Variants in EIF2AK2 observed in about 807,000 individuals in gnomAD.
EIF2AK2 encodes the protein eukaryotic translation initiation factor 2 alpha kinase 2.
In EIF2AK2, 40 loss-of-function variants were observed where a neutral mutation model predicts 70.5. The observed-to-expected ratio is 0.57, with a 90% confidence interval of 0.44 to 0.74. The LOEUF (loss-of-function observed/expected upper bound fraction) is 0.74. Among genes scored for constraint, EIF2AK2 ranks in the 30% least tolerant of loss-of-function variants. EIF2AK2 has a pLI of 0.00. For synonymous variants in EIF2AK2, 198 were observed against 220.9 expected (o/e 0.90, Z 0.92); for missense variants, 555 against 644.3 (o/e 0.86, Z 1.50).
chr2:37,104,553 C>T lies in EIF2AK2; in HGVS notation c.*2720G>A, dbSNP rs1358146829. ...CAGGCTAGTCTCAAAATCCTATGCT[C>T]AAGCCATCCTCCCCTTTTGACCTCC... On this transcript the variant is annotated 3_prime_UTR_variant, in exon 17 of 17. Transcript: ENST00000233057. The T allele has an allele frequency of 6.6e-6, 1 of 152,178 alleles. No homozygotes were observed. Among genetic ancestry groups the T allele is most frequent in the African/African-American group, 2.4e-5 (1 of 41,432 alleles). The allele number at this position is 152,178 out of a possible 1,614,324, so 9.4% of individuals were successfully genotyped here. A position where few individuals can be genotyped will look rare whatever the true frequency, so the allele number is the denominator to read the frequency against.
At chr2:37,122,826 A>C (rs768486879) in intron 11 of EIF2AK2, among the ~76,000 whole-genome samples, 162 bp from the exon 12 acceptor site, 1 of 152,186 alleles carries the variant, frequency 6.6e-6, no homozygotes, top group East Asian at 1.9e-4. Flanking sequence ...AAAAGGAAAA[A>C]GTGAACATAC....
intron 14 of EIF2AK2, among the ~76,000 whole-genome samples, chr2:37,111,570 A>G (rs1263498179): frequency 1.3e-5 from 2 of 151,538 alleles, no homozygotes; most frequent in African/African-American, 4.8e-5. Context: ...TATAAACAAT[A>G]TGACCAGGCG....
In EIF2AK2 at chr2:37,114,722, A is replaced by G; in HGVS notation, c.1377+9T>C. The G allele has an allele frequency of 6.5e-7, 1 of 1,539,110 alleles. No individual in the cohort carries two copies. The highest frequency in any genetic ancestry group is 2.3e-5 in the East Asian group (1 of 42,736). Reference sequence around the variant, plus strand: ...AGTAAAATATAGACAGACAGGAAAGAGACCTTACCTGTTCTGGGCTCATGT... The same window carrying G: ...AGTAAAATATAGACAGACAGGAAAGGGACCTTACCTGTTCTGGGCTCATGT... On this transcript the variant is annotated intron_variant, in intron 14 of 16. Coordinates refer to ENST00000233057, the MANE Select transcript of EIF2AK2 (RefSeq NM_001135651.3).
At position 37,101,800 on chromosome 2, in the gene EIF2AK2, T is replaced by G. The variant is rs556516246; in HGVS notation, c.*5473A>C. The G allele has an allele frequency of 3.3e-5, 5 of 152,336 alleles. No individual in the cohort carries two copies. Among genetic ancestry groups the G allele is most frequent in the African/African-American group, 9.6e-5 (4 of 41,584 alleles). 9.4% of individuals were successfully genotyped at this position (152,336 alleles called of 1,614,324 possible). A position where few individuals can be genotyped will look rare whatever the true frequency, so the allele number is the denominator to read the frequency against. ...AACCAAGAAAACTGTATTTTTGAGATAGAAACAATACAGACTATTATATGA... is the reference window on the plus strand; with the variant it reads ...AACCAAGAAAACTGTATTTTTGAGAGAGAAACAATACAGACTATTATATGA... On this transcript the variant is annotated 3_prime_UTR_variant, in exon 17 of 17. Coordinates refer to ENST00000233057, the MANE Select transcript of EIF2AK2 (RefSeq NM_001135651.3).
In EIF2AK2 at chr2:37,128,538, C is replaced by T. The variant is rs968247519; in HGVS notation, c.786-2127G>A. ...TCTCCAAGAGACATGATCAATCGTGCGCCGGATAGTGCAATGTCAATTAAA... is the reference window on the plus strand; with the variant it reads ...TCTCCAAGAGACATGATCAATCGTGTGCCGGATAGTGCAATGTCAATTAAA... On this transcript the variant is annotated intron_variant, in intron 10 of 16. Transcript: ENST00000233057. Among the ~76,000 whole-genome samples the T allele has an allele frequency of 1.4e-4, 21 of 152,216 alleles. 1 individual carries two copies. The South Asian group carries it at 3.7e-3, about 27-fold the overall frequency.
chr2:37,133,070 C>T (rs560882619), intron 10 of EIF2AK2, among the ~76,000 whole-genome samples: 2 of 152,258 alleles, frequency 1.3e-5, no homozygotes, highest in Non-Finnish European at 2.9e-5. Context: ...CCCTACGAAT[C>T]ACCTGGAAGC....
Position 37,113,645 on chromosome 2 carries a change from A to G in EIF2AK2, c.1377+1086T>C, listed in dbSNP as rs543088396. On this transcript the variant is annotated intron_variant, in intron 14 of 16. Coordinates refer to ENST00000233057, the MANE Select transcript of EIF2AK2 (RefSeq NM_001135651.3). ...GATCAAGATTCCTTACAGATACACA[A>G]GAAAATGAGAACTTAATTATGAGAA... Among the ~76,000 whole-genome samples, 35 of 152,328 alleles carry G rather than the reference A, an allele frequency of 2.3e-4. No individual in the cohort carries two copies. The South Asian group carries it at 7.0e-3, about 31-fold the overall frequency.
At chr2:37,109,114 C>T in intron 15 of EIF2AK2, 80 bp downstream of exon 15, 1 of 1,284,492 alleles carries the variant, frequency 7.8e-7, no homozygotes. Flanking sequence ...CACGTGAGGG[C>T]AAGAACTGTC....
rs914577114 is a variant in EIF2AK2 at position 37,099,342 on chromosome 2, TG to T, written c.*7930del. The T allele has an allele frequency of 2.0e-5, 3 of 152,240 alleles. No individual in the cohort carries two copies. Among genetic ancestry groups the T allele is most frequent in the African/African-American group, 7.2e-5 (3 of 41,476 alleles). 9.4% of individuals were successfully genotyped at this position (152,240 alleles called of 1,614,324 possible). On this transcript the variant is annotated 3_prime_UTR_variant, in exon 17 of 17. Coordinates refer to ENST00000233057, the MANE Select transcript of EIF2AK2 (RefSeq NM_001135651.3). ...TCAAAATTCTTAACTTTTGAGTTCC[TG>T]CTTTCTTCACAGCAGTGCACTCACT...
Position 37,099,532 on chromosome 2 carries a change from T to C in EIF2AK2, c.*7741A>G, listed in dbSNP as rs1351460170. ...GGGAGTACTAGGGAGAAGATTCATT[T>C]TGAGTGGGAGATGTTGGAACACTTT... On this transcript the variant is annotated 3_prime_UTR_variant, in exon 17 of 17. Transcript: ENST00000233057. The C allele has an allele frequency of 2.0e-5, 3 of 152,222 alleles. No homozygotes were observed. The highest frequency in any genetic ancestry group is 2.9e-5 in the Non-Finnish European group (2 of 68,038). 9.4% of individuals were successfully genotyped at this position (152,222 alleles called of 1,614,324 possible). A position where few individuals can be genotyped will look rare whatever the true frequency, so the allele number is the denominator to read the frequency against.
chr2:37,151,300 C>G (rs1236174793), intron 1 of EIF2AK2, among the ~76,000 whole-genome samples: 2 of 152,110 alleles, frequency 1.3e-5, no homozygotes, highest in African/African-American at 4.8e-5. Flanking sequence ...GAACAGACAT[C>G]TCTCCAAAGA....
At chr2:37,118,240 G>A (rs1405570700) in intron 13 of EIF2AK2, among the ~76,000 whole-genome samples, 1 of 152,096 alleles carries the variant, frequency 6.6e-6, no homozygotes, top group African/African-American at 2.4e-5. Flanking sequence ...CTTGAGCCCA[G>A]GAGGTCAAGG....
intron 1 of EIF2AK2, among the ~76,000 whole-genome samples, chr2:37,152,429 AC>A (rs1675775203): frequency 1.3e-5 from 2 of 152,112 alleles, no homozygotes; most frequent in Admixed American, 6.6e-5. Flanking sequence ...CTATGGGACT[AC>A]AGGTGCCCAC....
intron 11 of EIF2AK2, among the ~76,000 whole-genome samples, chr2:37,125,575 T>C (rs1674700658): frequency 6.6e-6 from 1 of 152,180 alleles, no homozygotes; most frequent in Non-Finnish European, 1.5e-5. Context: ...AGGGAGGCCA[T>C]GTGGAGGTAT....
At chr2:37,124,999 C>A (rs1363278030) in intron 11 of EIF2AK2, among the ~76,000 whole-genome samples, 1 of 151,836 alleles carries the variant, frequency 6.6e-6, no homozygotes, top group South Asian at 2.1e-4. Flanking sequence ...AAATAGTATT[C>A]TTTTTATTAT....
chr2:37,146,811 T>C, intron 4 of EIF2AK2, 42 bp downstream of exon 4: 3 of 1,565,308 alleles, frequency 1.9e-6, no homozygotes, highest in Non-Finnish European at 2.6e-6. Flanking sequence ...AGAAAATGTA[T>C]TTGCAAGTTC....
intron 14 of EIF2AK2, among the ~76,000 whole-genome samples, chr2:37,110,308 T>C (rs977062036): frequency 3.3e-5 from 5 of 151,610 alleles, no homozygotes; most frequent in Non-Finnish European, 5.9e-5. Flanking sequence ...TTGGCCAGGC[T>C]GGTCTCAAAC....
rs766927019 is a variant in EIF2AK2 at position 37,141,709 on chromosome 2, G to GA, written c.241-9dup. On this transcript the variant is annotated splice_polypyrimidine_tract_variant and intron_variant, in intron 4 of 16. Transcript: ENST00000233057. ...TAATAAAGGACTAACTGCCTACAAA[G>GA]AAAAAAAATTCCTGTTTAATATAAA... 15 of 1,580,618 alleles carry GA rather than the reference G, an allele frequency of 9.5e-6. No individual in the cohort carries two copies. The highest frequency in any genetic ancestry group is 3.9e-5 in the Admixed American group (2 of 51,776).
chr2:37,115,709 T>C (rs563022406), intron 13 of EIF2AK2, among the ~76,000 whole-genome samples: 6 of 152,198 alleles, frequency 3.9e-5, no homozygotes, highest in South Asian at 4.2e-4. Flanking sequence ...TTCCCAACAA[T>C]AGTGCAGATT....
Sources: allele counts gnomAD v4.1 joint callset (sites outside exome capture counted in the v4.1 genomes callset), GRCh38; gene constraint gnomAD v4.1.1; transcripts MANE v1.5; gene names NCBI Gene and HGNC (gene_info 2026-07-23, HGNC 2026-07-21).